The following MTUS1 variants were observed in gnomAD, a reference collection of about 807,000 sequenced individuals.
MTUS1 encodes the protein microtubule associated scaffold protein 1.
In MTUS1, 109 loss-of-function variants were observed where a neutral mutation model predicts 120.8. The observed-to-expected ratio is 0.90, with a 90% confidence interval of 0.77 to 1.06. The LOEUF is 1.06. MTUS1 is among the 50% of genes least tolerant of loss of function. The pLI is 0.00. For missense variants in MTUS1, 2,210 were observed against 1,486.3 expected, an observed-to-expected ratio of 1.49 and a Z score of -8.01; for synonymous variants, 737 against 550.5, an observed-to-expected ratio of 1.34 and a Z score of -4.74.
At chr8:17,751,790 G>A (rs1376063523) in intron 2 of MTUS1, among the ~76,000 whole-genome samples, 2 of 148,526 alleles carry the variant, frequency 1.3e-5, no homozygotes, top group African/African-American at 2.5e-5. Context: ...CCTGGGAGGC[G>A]GAGGTTGCAG....
chr8:17,785,314 A>C (rs2051214127), intron 1 of MTUS1, among the ~76,000 whole-genome samples: 2 of 152,210 alleles, frequency 1.3e-5, no homozygotes, highest in Non-Finnish European at 2.9e-5. Context: ...AATAGGCTCC[A>C]CTGTTACAGA....
intron 1 of MTUS1, among the ~76,000 whole-genome samples, chr8:17,756,365 G>C (rs546408022): frequency 3.6e-4 from 55 of 152,216 alleles, no homozygotes; most frequent in South Asian, 6.2e-4. Flanking sequence ...TGTTGTCCCA[G>C]GATGATTAGT....
chr8:17,750,422 G>A (rs2048099994), intron 2 of MTUS1, among the ~76,000 whole-genome samples: 1 of 152,108 alleles, frequency 6.6e-6, no homozygotes, highest in South Asian at 2.1e-4. Flanking sequence ...AAAAAGTAAG[G>A]CAAACTGCTC....
At chr8:17,675,435 A>G (rs1435809599) in intron 7 of MTUS1, among the ~76,000 whole-genome samples, 183 bp from the exon 8 acceptor site, 2 of 152,202 alleles carry the variant, frequency 1.3e-5, no homozygotes, top group Non-Finnish European at 2.9e-5. Context: ...GGAAATTCGT[A>G]ATTCAAAAAT....
chr8:17,755,647 A>G lies in MTUS1; in HGVS notation c.161T>C (p.Met54Thr), dbSNP rs1212514830. The G allele has an allele frequency of 6.2e-7, 1 of 1,614,170 alleles. No homozygotes were observed. The highest frequency in any genetic ancestry group is 8.5e-7 in the Non-Finnish European group (1 of 1,180,018). The change falls in exon 2 of 15, where the codon ATG becomes ACG. Residue 54 changes from methionine to threonine, a missense_variant. By Grantham distance (81) the Met-to-Thr change is moderately conservative. Transcript: ENST00000693296. The part of the protein sequence containing the change: ...VNWNSANPDD[M>T]VVDYETDPAV... ...AGGGTCAGTTTCATAATCAACCACC[A>G]TGTCATCTGGGTTGGCAGAATTCCA...
At chr8:17,658,060 C>CACACACACACACAG (rs1349171223) in intron 8 of MTUS1, among the ~76,000 whole-genome samples, 2 of 148,322 alleles carry the variant, frequency 1.3e-5, no homozygotes, top group East Asian at 3.9e-4. Flanking sequence ...CACACACACA[C>CACACACACACACAG]AGAGTCTTGC....
rs1251477122 is a variant in MTUS1 at position 17,684,467 on chromosome 8, T to C, written c.2699A>G (p.Glu900Gly). ...ATATTGCGTCAATTCAAGTGTTTTC[T>C]CAGGGGGCAGCGCATCGGGAGCTGT... ...PQTAPDALPP[E>G]KTLELTQYKT... Residue 900 changes from glutamate (E) to glycine (G), a missense_variant, in exon 7 of 15, where the codon GAG (glutamate) becomes GGG (glycine). Transcript: ENST00000693296. The C allele has an allele frequency of 6.2e-7, 1 of 1,614,120 alleles. No homozygotes were observed. Among genetic ancestry groups the C allele is most frequent in the Non-Finnish European group, 8.5e-7 (1 of 1,180,048 alleles).
At chr8:17,788,198 T>G (rs2051468449) in intron 1 of MTUS1, among the ~76,000 whole-genome samples, 1 of 152,248 alleles carries the variant, frequency 6.6e-6, no homozygotes, top group Non-Finnish European at 1.5e-5. Context: ...AATATGTATT[T>G]GTCAAAACTC....
chr8:17,676,064 G>A, intron 7 of MTUS1: 1 of 569,288 alleles, frequency 1.8e-6, no homozygotes, highest in Non-Finnish European at 3.1e-6. Flanking sequence ...AAAAAATGAA[G>A]AATTTCAAAG....
chr8:17,702,531 C>A (rs1333268324), intron 6 of MTUS1, among the ~76,000 whole-genome samples: 1 of 152,150 alleles, frequency 6.6e-6, no homozygotes, highest in African/African-American at 2.4e-5. Context: ...AACCTTGTAC[C>A]ATTGAACATC....
chr8:17,743,886 G>T, intron 2 of MTUS1, 87 bp from the exon 3 acceptor site: 1 of 1,182,436 alleles, frequency 8.5e-7, no homozygotes. Context: ...CTAGGCCAAG[G>T]CAATTCCAAA....
At chr8:17,761,788 TAC>T (rs1466992078) in intron 1 of MTUS1, among the ~76,000 whole-genome samples, 5 of 152,222 alleles carry the variant, frequency 3.3e-5, no homozygotes, top group Admixed American at 1.3e-4. Flanking sequence ...TGAATACAAA[TAC>T]AGTTATAATT....
rs915632937 is a variant in MTUS1 at position 17,645,954 on chromosome 8, A to C, written c.3785T>G (p.Phe1262Cys). Residue 1262 changes from phenylalanine (F) to cysteine (C), a missense_variant, in exon 15 of 15, where the codon TTC becomes TGC. Phe to Cys is a radical substitution (Grantham distance 205). Transcript: ENST00000693296. ...TCTGGGTGAAATGCTGGGGCTAGGG[A>C]AGGAGCCCGAATTCCTTGGTGACTG... ...PLQSPRNSGSFPSPSISPR is the reference protein window; with the variant it reads ...PLQSPRNSGSCPSPSISPR 3.1e-6 allele frequency: 5 copies of C among 1,612,308 alleles called. No homozygotes were observed. In the African/African-American group the frequency reaches 6.7e-5, roughly 22 times the overall value.
At chr8:17,775,995 T>C (rs1024926080) in intron 1 of MTUS1, among the ~76,000 whole-genome samples, 1 of 152,182 alleles carries the variant, frequency 6.6e-6, no homozygotes, top group Non-Finnish European at 1.5e-5. Flanking sequence ...TACCTCTTCA[T>C]GGAATATTCC....
At position 17,754,034 on chromosome 8, in the gene MTUS1, T is replaced by A; in HGVS notation, c.1774A>T (p.Thr592Ser). 6.2e-7 allele frequency: 1 copy of A among 1,614,160 alleles called. No individual in the cohort carries two copies. Among genetic ancestry groups the A allele is most frequent in the Non-Finnish European group, 8.5e-7 (1 of 1,180,030 alleles). Residue 592 changes from threonine (T) to serine (S), a missense_variant, in exon 2 of 15, where the codon ACT (threonine) becomes TCT (serine). Transcript: ENST00000693296. The part of the protein sequence containing the change: ...LITSQAVHVT[T>S]HSKNASHRVP... The stretch of plus-strand genomic sequence containing the variant: ...CTGTGTGAAGCATTTTTAGAATGAG[T>A]TGTAACATGCACAGCCTGGCTAGTA...
At chr8:17,649,367 T>A (rs1228196338) in intron 13 of MTUS1, among the ~76,000 whole-genome samples, 1 of 152,196 alleles carries the variant, frequency 6.6e-6, no homozygotes, top group Non-Finnish European at 1.5e-5. Context: ...CCACGATTCT[T>A]TTATCACATG....
intron 13 of MTUS1, 31 bp from the exon 14 acceptor site, chr8:17,647,110 A>C (rs774423265): frequency 6.4e-7 from 1 of 1,558,054 alleles, no homozygotes; most frequent in Non-Finnish European, 8.8e-7. Flanking sequence ...CAACATTTAT[A>C]CAATATTAAA....
In MTUS1 at chr8:17,682,387, G is replaced by A. The variant is rs758050673; in HGVS notation, c.2838+1941C>T. 8.5e-5 allele frequency among the ~76,000 whole-genome samples: 13 copies of A among 152,048 alleles called. No homozygotes were observed. In the South Asian group the frequency reaches 1.0e-3, roughly 12 times the overall value. On this transcript the variant is annotated intron_variant, in intron 7 of 14. Transcript: ENST00000693296. ...ACAAAAACTAGTCGGGCATGGTGGC[G>A]GGTGCCTGTAATCCCAGCTATTCGG...
intron 1 of MTUS1, among the ~76,000 whole-genome samples, chr8:17,773,015 G>A (rs909710464): frequency 6.6e-6 from 1 of 152,072 alleles, no homozygotes; most frequent in Non-Finnish European, 1.5e-5. Context: ...TTTCCATATT[G>A]TTCATGCAAT....
Sources: gnomAD v4.1 joint callset for allele counts (sites outside exome capture counted in the v4.1 genomes callset) on GRCh38, gnomAD v4.1.1 for gene constraint, MANE v1.5 for transcripts, NCBI Gene and HGNC (gene_info 2026-07-23, HGNC 2026-07-21) for gene names.